The following FGF9 variants were observed in gnomAD, a reference collection of about 807,000 sequenced individuals.
FGF9 encodes fibroblast growth factor 9 (glia-activating factor).
Under a neutral mutation model 19.9 loss-of-function variants are expected in FGF9, and 3 were observed. The observed-to-expected ratio is 0.15, with a 90% CI of 0.07 to 0.39. The LOEUF (loss-of-function observed/expected upper bound fraction) is 0.39, where lower values mean the gene tolerates loss of function less well. Among genes scored for constraint, FGF9 ranks in the 10% least tolerant of loss-of-function variants. The pLI is 1.00. For missense variants in FGF9, 175 were observed against 256.8 expected, an observed-to-expected ratio of 0.68 and a Z score of 2.18; for synonymous variants, 107 against 106.9, an observed-to-expected ratio of 1.00 and a Z score of -0.01.
At chr13:21,678,023 C>T (rs752218169) in intron 1 of FGF9, among the ~76,000 whole-genome samples, 1 of 152,250 alleles carries the variant, frequency 6.6e-6, no homozygotes, top group East Asian at 1.9e-4. Flanking sequence ...TATCTGTTTA[C>T]GTGTTCTTCT....
At chr13:21,681,631 T>C (rs2138134360) in intron 2 of FGF9, among the ~76,000 whole-genome samples, 1 of 152,368 alleles carries the variant, frequency 6.6e-6, no homozygotes, top group South Asian at 2.1e-4. Flanking sequence ...TATTACGATA[T>C]TGTAATTATT....
chr13:21,674,802 G>A (rs76152173), intron 1 of FGF9, among the ~76,000 whole-genome samples: 2,694 of 151,648 alleles, frequency 0.018, 36 homozygotes, highest in Non-Finnish European at 0.028. Flanking sequence ...TGGAGAGAGC[G>A]CGGATGCAAG....
chr13:21,683,139 C>G (rs558392823), intron 2 of FGF9, among the ~76,000 whole-genome samples: 1 of 152,346 alleles, frequency 6.6e-6, no homozygotes, highest in African/African-American at 2.4e-5. Flanking sequence ...ACCAGTCTTT[C>G]AGATGAAATC....
At chr13:21,676,387 T>C (rs1414883116) in intron 1 of FGF9, among the ~76,000 whole-genome samples, 1 of 152,126 alleles carries the variant, frequency 6.6e-6, no homozygotes, top group Non-Finnish European at 1.5e-5. Context: ...ATTTCCAGGG[T>C]TTTGAACTTT....
chr13:21,677,822 A>G (rs1871950759), intron 1 of FGF9, among the ~76,000 whole-genome samples: 1 of 152,138 alleles, frequency 6.6e-6, no homozygotes, highest in Non-Finnish European at 1.5e-5. Context: ...AGGTGATGAA[A>G]TCTTTTCCAC....
chr13:21,673,047 C>T (rs1871806774), intron 1 of FGF9, among the ~76,000 whole-genome samples: 1 of 152,166 alleles, frequency 6.6e-6, no homozygotes, highest in African/African-American at 2.4e-5. Flanking sequence ...TGGCTCTGCC[C>T]ACTTTATGCT....
chr13:21,681,136 G>T lies in FGF9; in HGVS notation c.372G>T (p.Leu124=). ...TCGGGATGAATGAGAAGGGGGAGCT[G>T]TATGGATCAGTAAGTACTGGAGGGA... The part of the protein sequence containing the change: ...LYLGMNEKGE[L]YGSEKLTQEC... Residue 124 remains leucine (L), a synonymous_variant, in exon 2 of 3, where the codon CTG becomes CTT. Coordinates refer to ENST00000382353, the MANE Select transcript of FGF9 (RefSeq NM_002010.3). 2.5e-6 allele frequency: 4 copies of T among 1,608,992 alleles called. No individual in the cohort carries two copies. The highest frequency in any genetic ancestry group is 3.4e-6 in the Non-Finnish European group (4 of 1,175,428).
intron 1 of FGF9, among the ~76,000 whole-genome samples, chr13:21,675,098 T>G (rs1382934599): frequency 1.4e-5 from 2 of 145,300 alleles, no homozygotes; most frequent in Admixed American, 6.8e-5. Context: ...CGGCCCAGGT[T>G]GGGGACTGGG....
chr13:21,677,204 T>C (rs536583413), intron 1 of FGF9, among the ~76,000 whole-genome samples: 82 of 152,248 alleles, frequency 5.4e-4, no homozygotes, highest in Non-Finnish European at 8.7e-4. Context: ...GAGCTAAGGA[T>C]GTCAAGGCTG....
rs1412420802 is a variant in FGF9 at position 21,671,991 on chromosome 13, G to T, written c.79G>T (p.Val27Leu). 1 of 1,614,112 alleles carries T rather than the reference G, an allele frequency of 6.2e-7. No homozygotes were observed. Among genetic ancestry groups the T allele is most frequent in the Non-Finnish European group, 8.5e-7 (1 of 1,180,058 alleles). Residue 27 changes from valine (V) to leucine (L), a missense_variant, in exon 1 of 3, where the codon GTG (valine) becomes TTG (leucine). This residue lies in a region of FGF9 where 69 missense variants were observed against 73.6 expected (regional missense o/e 0.94). Coordinates refer to ENST00000382353, the MANE Select transcript of FGF9 (RefSeq NM_002010.3). ...GTTTGGGAATGTGCCCGTGTTGCCGGTGGACAGCCCGGTTTTGTTAAGTGA... is the reference window on the plus strand; with the variant it reads ...GTTTGGGAATGTGCCCGTGTTGCCGTTGGACAGCCCGGTTTTGTTAAGTGA... ...VPFGNVPVLP[V>L]DSPVLLSDHL...
rs983892974 is a variant in FGF9, at chr13:21,671,680, A to G, written c.-233A>G. The stretch of plus-strand genomic sequence containing the variant: ...ATGTTTATCAATATGTCAGTGTGTG[A>G]GTATAAAGTGGTGGTTTCTTAGACT... On this transcript the variant is annotated 5_prime_UTR_variant, in exon 1 of 3. Coordinates refer to ENST00000382353, the MANE Select transcript of FGF9 (RefSeq NM_002010.3). 11 of 610,782 alleles carry G rather than the reference A, an allele frequency of 1.8e-5. No homozygotes were observed. The highest frequency in any genetic ancestry group is 1.1e-4 in the African/African-American group (6 of 54,038). The allele number at this position is 610,782 out of a possible 1,614,324, so 37.8% of individuals were successfully genotyped here. A position where few individuals can be genotyped will look rare whatever the true frequency, so the allele number is the denominator to read the frequency against.
intron 2 of FGF9, among the ~76,000 whole-genome samples, chr13:21,697,807 T>C (rs1229743196): frequency 6.7e-6 from 1 of 149,360 alleles, no homozygotes; most frequent in Non-Finnish European, 1.5e-5. Flanking sequence ...CACATAGGAC[T>C]CTTTTTTTTT....
chr13:21,692,661 C>T lies in FGF9; in HGVS notation c.382-8529C>T, dbSNP rs560544354. On this transcript the variant is annotated intron_variant, in intron 2 of 2. Coordinates refer to ENST00000382353, the MANE Select transcript of FGF9 (RefSeq NM_002010.3). Reference sequence around the variant, plus strand: ...CCCATGTAGTGCTTGACTTTTGTGTCTGCTCAGCACATGGTCACGCTCCCA... The same window carrying T: ...CCCATGTAGTGCTTGACTTTTGTGTTTGCTCAGCACATGGTCACGCTCCCA... Among the ~76,000 whole-genome samples, 17 of 152,330 alleles carry T rather than the reference C, an allele frequency of 1.1e-4. No homozygotes were observed. The East Asian group carries it at 1.9e-3, about 17-fold the overall frequency.
At chr13:21,674,400 C>A (rs1455194009) in intron 1 of FGF9, among the ~76,000 whole-genome samples, 1 of 151,900 alleles carries the variant, frequency 6.6e-6, no homozygotes, top group Non-Finnish European at 1.5e-5. Context: ...GGGCGGCGTG[C>A]TATTGTTAAC....
intron 2 of FGF9, among the ~76,000 whole-genome samples, chr13:21,699,586 CT>C: frequency 6.6e-6 from 1 of 152,308 alleles, no homozygotes; most frequent in South Asian, 2.1e-4. Flanking sequence ...CCTTTCTCCT[CT>C]CCTTTGCTCT....
intron 2 of FGF9, among the ~76,000 whole-genome samples, chr13:21,699,469 C>G (rs893312729): frequency 6.6e-6 from 1 of 152,174 alleles, no homozygotes; most frequent in African/African-American, 2.4e-5. Context: ...TCAGGAAGTG[C>G]CGGCCCTCAT....
intron 2 of FGF9, among the ~76,000 whole-genome samples, chr13:21,689,169 C>G (rs942536949): frequency 1.3e-5 from 2 of 152,302 alleles, no homozygotes; most frequent in Admixed American, 6.5e-5. Flanking sequence ...GGATTTTACT[C>G]TCTTCCCTGC....
At chr13:21,680,894 C>G (rs1009619433) in intron 1 of FGF9, 148 bp from the exon 2 acceptor site, 2 of 606,144 alleles carry the variant, frequency 3.3e-6, no homozygotes, top group Admixed American at 2.6e-5. Flanking sequence ...CAGTGATTTT[C>G]AAAGAGAAGA....
intron 2 of FGF9, among the ~76,000 whole-genome samples, chr13:21,685,127 A>G (rs1277946193): frequency 3.3e-5 from 5 of 152,216 alleles, no homozygotes; most frequent in Admixed American, 1.3e-4. Context: ...TAAATACACT[A>G]ACATTTGGAG....
Sources: allele counts gnomAD v4.1 joint callset (sites outside exome capture counted in the v4.1 genomes callset), GRCh38; gene constraint gnomAD v4.1.1; regional missense constraint gnomAD v4.1.1; transcripts MANE v1.5; gene names NCBI Gene and HGNC (gene_info 2026-07-23, HGNC 2026-07-21).